The following SCAMP2 variants were observed in gnomAD, a reference collection of about 807,000 sequenced individuals.
SCAMP2 encodes secretory carrier membrane protein 2, also known as secretory carrier-associated membrane protein 2.
Under a neutral mutation model 44.1 loss-of-function variants are expected in SCAMP2, and 25 were observed. The observed-to-expected ratio is 0.57, with a 90% CI of 0.41 to 0.79. The LOEUF (loss-of-function observed/expected upper bound fraction) is 0.79, where lower values mean the gene tolerates loss of function less well. Among genes scored for constraint, SCAMP2 ranks in the 30% least tolerant of loss-of-function variants. The probability of loss-of-function intolerance (pLI) is 0.00; values close to 1 mark genes in which losing one functional copy is unlikely to be tolerated. For missense variants in SCAMP2, 355 were observed against 411.0 expected (o/e 0.86, Z 1.18); for synonymous variants, 156 against 166.0 (o/e 0.94, Z 0.46).
In SCAMP2 at chr15:74,873,119, C is replaced by T. The variant is rs2064588340; in HGVS notation, c.57+80G>A. On this transcript the variant is annotated intron_variant, in intron 1 of 8. Coordinates refer to ENST00000268099, the MANE Select transcript of SCAMP2 (RefSeq NM_005697.5). ...ACCCGTCCCTCCTACGCCACGTCTC[C>T]CGGCTCTAGCGAGAGGCCCGGGCGG... The T allele has an allele frequency of 1.1e-5, 14 of 1,256,750 alleles. No homozygotes were observed. The South Asian group carries it at 2.0e-4, about 18-fold the overall frequency. 77.8% of individuals were successfully genotyped at this position (1,256,750 alleles called of 1,614,324 possible). A position where few individuals can be genotyped will look rare whatever the true frequency, so the allele number is the denominator to read the frequency against.
Position 74,845,126 on chromosome 15 carries a change from C to T in SCAMP2, c.947G>A (p.Arg316Lys). The T allele has an allele frequency of 6.2e-7, 1 of 1,614,082 alleles. No homozygotes were observed. The highest frequency in any genetic ancestry group is 2.2e-5 in the East Asian group (1 of 44,882). Residue 316 changes from arginine to lysine, a missense_variant, in exon 9 of 9, where the codon AGA becomes AAA. Transcript: ENST00000268099. ...TCCTTGGGCAGCAGATGAAGCAGCT[C>T]TGTGGAAGGTTCTGCTGCTGAAGAT... is the stretch of plus-strand genomic sequence containing the variant. Reference protein sequence around the residue: ...QGIFSSRTFHRAASSAAQGAF... With the variant: ...QGIFSSRTFHKAASSAAQGAF...
chr15:74,851,833 C>G (rs1239538964), intron 4 of SCAMP2: 2 of 449,314 alleles, frequency 4.5e-6, no homozygotes, highest in Admixed American at 7.8e-5. Flanking sequence ...ATCAAAGAAT[C>G]AAGGAATTTG....
chr15:74,873,272 C>G lies in SCAMP2; in HGVS notation c.-17G>C. 6.8e-7 allele frequency: 1 copy of G among 1,478,122 alleles called. No homozygotes were observed. Among genetic ancestry groups the G allele is most frequent in the Non-Finnish European group, 8.9e-7 (1 of 1,118,760 alleles). The allele number at this position is 1,478,122 out of a possible 1,614,324, so 91.6% of individuals were successfully genotyped here. On this transcript the variant is annotated 5_prime_UTR_variant, in exon 1 of 9. Transcript: ENST00000268099. The stretch of plus-strand genomic sequence containing the variant: ...AGCCGACATGGTGATCGGGGGCCAG[C>G]GGGCGAACTCCGCGAACGCTGCTGC...
intron 7 of SCAMP2, among the ~76,000 whole-genome samples, chr15:74,847,429 C>T (rs1419835469): frequency 1.3e-5 from 2 of 152,174 alleles, no homozygotes; most frequent in East Asian, 1.9e-4. Context: ...CAGGTGCAAA[C>T]GGCAGTCATG....
chr15:74,860,200 C>T (rs1287202925), intron 1 of SCAMP2, among the ~76,000 whole-genome samples: 1 of 152,116 alleles, frequency 6.6e-6, no homozygotes, highest in South Asian at 2.1e-4. Context: ...CACCTGAGAA[C>T]AGGAGTTTCA....
chr15:74,866,001 A>G (rs1486326702), intron 1 of SCAMP2, among the ~76,000 whole-genome samples: 4 of 89,158 alleles, frequency 4.5e-5, no homozygotes, highest in Non-Finnish European at 9.1e-5. Context: ...GAAGGAAGGA[A>G]GGAAGGAAGG....
At chr15:74,853,046 C>G (rs1412764734) in intron 3 of SCAMP2, 3 of 182,262 alleles carry the variant, frequency 1.6e-5, no homozygotes, top group African/African-American at 4.7e-5. Flanking sequence ...TGTGTACACA[C>G]ACACATGTAT....
intron 1 of SCAMP2, among the ~76,000 whole-genome samples, chr15:74,858,077 C>T (rs1422206030): frequency 6.6e-6 from 1 of 152,152 alleles, no homozygotes; most frequent in African/African-American, 2.4e-5. Flanking sequence ...TCTAAGAAAA[C>T]CTAGGCTCTT....
chr15:74,858,806 CTT>C (rs917391053), intron 1 of SCAMP2, among the ~76,000 whole-genome samples: 8 of 91,250 alleles, frequency 8.8e-5, no homozygotes, highest in African/African-American at 1.8e-4. Flanking sequence ...AGAGCTGGTT[CTT>C]TTTTTTTTTT....
chr15:74,851,678 A>G (rs2064436368), intron 4 of SCAMP2, among the ~76,000 whole-genome samples, 197 bp from the exon 5 acceptor site: 1 of 152,210 alleles, frequency 6.6e-6, no homozygotes, highest in African/African-American at 2.4e-5. Context: ...ACAAGCTCAC[A>G]TGGAGATAAA....
chr15:74,853,434 T>C, intron 3 of SCAMP2: 2 of 456,480 alleles, frequency 4.4e-6, no homozygotes, highest in Non-Finnish European at 8.8e-6. Context: ...TCTGCCTCTC[T>C]GAGAGCTCGC....
intron 2 of SCAMP2, 103 bp downstream of exon 2, chr15:74,854,478 G>T: frequency 1.0e-6 from 1 of 978,734 alleles, no homozygotes; most frequent in African/African-American, 1.6e-5. Flanking sequence ...GAGGACTGCC[G>T]CTTCTCAGAG....
At position 74,844,006 on chromosome 15, in the gene SCAMP2, C is replaced by G. The variant is rs1382933569; in HGVS notation, c.*1077G>C. ...TACGTGTCCCATCACAGTGACACAC[C>G]CCCCAGGGTGTGAACCAGACTCCAC... On this transcript the variant is annotated 3_prime_UTR_variant, in exon 9 of 9. Coordinates refer to ENST00000268099, the MANE Select transcript of SCAMP2 (RefSeq NM_005697.5). 6.6e-6 allele frequency: 1 copy of G among 152,136 alleles called. No individual in the cohort carries two copies. The highest frequency in any genetic ancestry group is 1.9e-4 in the East Asian group (1 of 5,178). The allele number at this position is 152,136 out of a possible 1,614,324, so 9.4% of individuals were successfully genotyped here.
intron 1 of SCAMP2, among the ~76,000 whole-genome samples, chr15:74,864,007 G>T (rs2064525910): frequency 6.6e-6 from 1 of 152,174 alleles, no homozygotes. Flanking sequence ...CAGTAAAGAG[G>T]AAGGCAAGAA....
Position 74,848,641 on chromosome 15 carries a change from G to A in SCAMP2, c.693C>T (p.Ile231=). 1 of 1,613,706 alleles carries A rather than the reference G, an allele frequency of 6.2e-7. No homozygotes were observed. Among genetic ancestry groups the A allele is most frequent in the South Asian group, 1.1e-5 (1 of 91,066 alleles). The change falls in exon 7 of 9, where the codon ATC becomes ATT. Residue 231 remains isoleucine, a synonymous_variant. Coordinates refer to ENST00000268099, the MANE Select transcript of SCAMP2 (RefSeq NM_005697.5). ...GGATGCCAACCAACTGGATGATGTAGATCCCTATTTGACAAAAAAATACAA... is the reference window on the plus strand; with the variant it reads ...GGATGCCAACCAACTGGATGATGTAAATCCCTATTTGACAAAAAAATACAA... The part of the protein sequence containing the change: ...FFFVFFCQIG[I]YIIQLVGIPG...
At position 74,873,350 on chromosome 15, in the gene SCAMP2, G is replaced by A. The variant is rs955525751; in HGVS notation, c.-95C>T. ...TCGTGTAGACCCTCCACTTCCGGGA[G>A]CGAGGCAGCGGTTCTGGCGCAGGCG... is the stretch of plus-strand genomic sequence containing the variant. On this transcript the variant is annotated 5_prime_UTR_variant, in exon 1 of 9. Coordinates refer to ENST00000268099, the MANE Select transcript of SCAMP2 (RefSeq NM_005697.5). The A allele has an allele frequency of 8.4e-7, 1 of 1,195,356 alleles. No homozygotes were observed. 74.0% of individuals were successfully genotyped at this position (1,195,356 alleles called of 1,614,324 possible).
chr15:74,871,760 A>AG lies in SCAMP2; in HGVS notation c.57+1438dup, dbSNP rs542870894. Among the ~76,000 whole-genome samples, 8 of 147,376 alleles carry AG rather than the reference A, an allele frequency of 5.4e-5. No homozygotes were observed. The East Asian group carries it at 1.4e-3, about 26-fold the overall frequency. On this transcript the variant is annotated intron_variant, in intron 1 of 8. Coordinates refer to ENST00000268099, the MANE Select transcript of SCAMP2 (RefSeq NM_005697.5). ...AGAGCAAAACTCTGTCTCAAAAAAA[A>AG]GAGGCCAGGTGTGGTGGCTCACCCC...
chr15:74,852,724 G>A (rs1451354369), intron 3 of SCAMP2: 1 of 152,790 alleles, frequency 6.5e-6, no homozygotes, highest in Non-Finnish European at 1.5e-5. Context: ...CCTGCCCCCA[G>A]GAGCTGCCTC....
At chr15:74,850,695 A>C (rs770509146) in intron 5 of SCAMP2, 22 bp from the exon 6 acceptor site, 15 of 1,612,744 alleles carry the variant, frequency 9.3e-6, no homozygotes, top group Non-Finnish European at 1.3e-5. Context: ...GACAGGACAG[A>C]GTTATGACTT....
Sources: gnomAD v4.1 joint callset for allele counts (sites outside exome capture counted in the v4.1 genomes callset) on GRCh38, gnomAD v4.1.1 for gene constraint, MANE v1.5 for transcripts, NCBI Gene and HGNC (gene_info 2026-07-23, HGNC 2026-07-21) for gene names.